ATE1: variants seen among roughly 807,000 people sequenced by gnomAD.
The protein encoded by ATE1 is arginyl-tRNA--protein transferase 1.
ATE1 carries 36 observed loss-of-function variants against 70.5 expected under a neutral mutation model. The ratio of observed to expected loss-of-function variants is 0.51; its 90% CI spans 0.39 to 0.67. ATE1 has a LOEUF of 0.67. Among genes scored for constraint, ATE1 ranks in the 30% least tolerant of loss-of-function variants. The pLI is 0.00. For synonymous variants in ATE1, 232 were observed against 219.3 expected (o/e 1.06, Z -0.51); for missense variants, 593 against 629.5 (o/e 0.94, Z 0.62).
In ATE1 at chr10:121,847,249, C is replaced by T. The variant is rs187904253; in HGVS notation, c.976-5986G>A. 4.6e-3 allele frequency among the ~76,000 whole-genome samples: 705 copies of T among 151,890 alleles called. 6 individuals carry two copies. The highest frequency in any genetic ancestry group is 0.016 in the African/African-American group (668 of 41,418). ...GGATCACAAGGTCAGGAGTTCAAGA[C>T]CAGCCTGGCCAACATAGTGAAACCC... On this transcript the variant is annotated intron_variant, in intron 8 of 11. Coordinates refer to ENST00000224652, the MANE Select transcript of ATE1 (RefSeq NM_001001976.3).
intron 10 of ATE1, among the ~76,000 whole-genome samples, chr10:121,811,951 C>CTTTTTT (rs71022870): frequency 2.0e-4 from 15 of 74,724 alleles, no homozygotes; most frequent in East Asian, 8.4e-4. Flanking sequence ...ATTCCAAATT[C>CTTTTTT]TTTTTTTTTT....
chr10:121,916,850 A>AAC (rs201592166), intron 3 of ATE1, among the ~76,000 whole-genome samples: 17 of 150,656 alleles, frequency 1.1e-4, no homozygotes, highest in East Asian at 4.0e-4. Flanking sequence ...AAAAAAAAAA[A>AAC]TCCCCAAGAT....
intron 2 of ATE1, among the ~76,000 whole-genome samples, chr10:121,922,837 G>A (rs556803377): frequency 1.3e-5 from 2 of 152,234 alleles, no homozygotes; most frequent in Admixed American, 6.5e-5. Flanking sequence ...TTCTTTCCAT[G>A]CATTCCAGGT....
chr10:121,747,418 G>A (rs1190462023), intron 11 of ATE1, among the ~76,000 whole-genome samples: 1 of 152,154 alleles, frequency 6.6e-6, no homozygotes, highest in Non-Finnish European at 1.5e-5. Context: ...TGGAGCTGGG[G>A]GGATAAAGAA....
chr10:121,879,197 T>G (rs1333154246), intron 7 of ATE1, among the ~76,000 whole-genome samples: 1 of 152,176 alleles, frequency 6.6e-6, no homozygotes, highest in South Asian at 2.1e-4. Context: ...GCCTCATCAG[T>G]GTCCCGGATG....
intron 8 of ATE1, among the ~76,000 whole-genome samples, chr10:121,864,871 GAGC>G (rs1056542521): frequency 3.3e-5 from 5 of 152,234 alleles, no homozygotes; most frequent in Non-Finnish European, 7.4e-5. Flanking sequence ...AGCATCTAGT[GAGC>G]AGAAGCCAGA....
intron 11 of ATE1, among the ~76,000 whole-genome samples, chr10:121,754,606 T>G (rs147650714): frequency 6.6e-6 from 1 of 152,308 alleles, no homozygotes; most frequent in African/African-American, 2.4e-5. Flanking sequence ...AGTGATAGAA[T>G]TAGAAAATCA....
intron 10 of ATE1, among the ~76,000 whole-genome samples, chr10:121,832,361 G>A (rs1470002787): frequency 1.3e-5 from 2 of 152,156 alleles, no homozygotes; most frequent in Non-Finnish European, 2.9e-5. Flanking sequence ...CACAATATAA[G>A]ATTTGTTACT....
At chr10:121,923,488 T>C (rs1320422301) in intron 2 of ATE1, among the ~76,000 whole-genome samples, 1 of 148,048 alleles carries the variant, frequency 6.8e-6, no homozygotes, top group Non-Finnish European at 1.5e-5. Flanking sequence ...ACCATGTCTC[T>C]AAAAAAAAAA....
chr10:121,822,545 T>A (rs1479824411), intron 10 of ATE1, among the ~76,000 whole-genome samples: 2 of 152,118 alleles, frequency 1.3e-5, no homozygotes, highest in Non-Finnish European at 2.9e-5. Context: ...CTCAATAAGT[T>A]TACTTAAAAA....
chr10:121,762,546 T>C (rs1171291177), intron 11 of ATE1, among the ~76,000 whole-genome samples: 2 of 152,204 alleles, frequency 1.3e-5, no homozygotes. Flanking sequence ...GTGTGGATTT[T>C]CTCAAGGTAC....
intron 11 of ATE1, among the ~76,000 whole-genome samples, chr10:121,789,956 G>A (rs2420966): frequency 0.94 from 143,658 of 152,158 alleles, 68,049 homozygotes; most frequent in Non-Finnish European, 0.98. Flanking sequence ...GTAAGTGCAC[G>A]AGCACGTGAG....
intron 11 of ATE1, among the ~76,000 whole-genome samples, chr10:121,757,465 G>A (rs144585890): frequency 6.6e-6 from 1 of 152,090 alleles, no homozygotes; most frequent in Non-Finnish European, 1.5e-5. Context: ...TACTGTATTA[G>A]TCCATTTTCA....
At chr10:121,874,176 T>G (rs1053185614) in intron 7 of ATE1, among the ~76,000 whole-genome samples, 1 of 152,170 alleles carries the variant, frequency 6.6e-6, no homozygotes, top group African/African-American at 2.4e-5. Flanking sequence ...AATACTAAAT[T>G]CTATCAGGAA....
chr10:121,926,712 C>T (rs1952106545), intron 1 of ATE1: 20 of 984,958 alleles, frequency 2.0e-5, no homozygotes, highest in Non-Finnish European at 2.4e-5. Context: ...TAGAAATCCA[C>T]AATACTCTAA....
intron 11 of ATE1, among the ~76,000 whole-genome samples, chr10:121,757,716 C>T (rs547848552): frequency 1.2e-3 from 176 of 152,282 alleles, no homozygotes; most frequent in South Asian, 5.6e-3. Context: ...GAAAGACTTG[C>T]CTCCATAATT....
At chr10:121,848,631 C>T (rs540173027) in intron 8 of ATE1, among the ~76,000 whole-genome samples, 4 of 141,254 alleles carry the variant, frequency 2.8e-5, no homozygotes, top group Non-Finnish European at 6.1e-5. Context: ...AAAAAAAGGG[C>T]CAGGTGCGGT....
At chr10:121,886,360 C>T (rs1169684603) in intron 7 of ATE1, among the ~76,000 whole-genome samples, 1 of 151,734 alleles carries the variant, frequency 6.6e-6, no homozygotes, top group African/African-American at 2.4e-5. Flanking sequence ...ATTCCCCCCA[C>T]ATCTGTGTGG....
chr10:121,871,819 A>G (rs1487581508), intron 7 of ATE1, among the ~76,000 whole-genome samples: 1 of 152,258 alleles, frequency 6.6e-6, no homozygotes, highest in African/African-American at 2.4e-5. Context: ...CCATTACATT[A>G]ACTCTTAAGA....
Sources: allele counts gnomAD v4.1 joint callset (sites outside exome capture counted in the v4.1 genomes callset), GRCh38; gene constraint gnomAD v4.1.1; transcripts MANE v1.5; gene names NCBI Gene and HGNC (gene_info 2026-07-23, HGNC 2026-07-21).